Variants in KDM5C observed in about 807,000 individuals in gnomAD.
KDM5C encodes the protein lysine-specific demethylase 5C.
In KDM5C, 16 loss-of-function variants were observed where a neutral mutation model predicts 110.6. That is an observed-to-expected ratio of 0.14 (90% CI 0.10 to 0.22). The LOEUF is 0.22. Ranked by LOEUF, KDM5C falls within the 10% of genes least tolerant of loss-of-function variation. The probability of loss-of-function intolerance (pLI) is 1.00; values close to 1 mark genes in which losing one functional copy is unlikely to be tolerated. For missense variants in KDM5C, 681 were observed against 1,300.9 expected (o/e 0.52, Z 7.33); for synonymous variants, 511 against 520.4 (o/e 0.98, Z 0.24).
At chrX:53,181,988 CTG>C (rs1303657701) in intron 25 of KDM5C, among the ~76,000 whole-genome samples, 3 of 110,523 alleles carry the variant, frequency 2.7e-5, no homozygotes, top group Non-Finnish European at 5.7e-5. Context: ...CAGGGTTTCA[CTG>C]TGTTAGCCAG....
Position 53,193,515 on chromosome X carries a change from C to T in KDM5C, c.4239G>A (p.Leu1413=), listed in dbSNP as rs782560635. 2.5e-6 allele frequency: 3 copies of T among 1,212,026 alleles called. No homozygotes were observed. The highest frequency in any genetic ancestry group is 5.9e-5 in the East Asian group (2 of 33,823). The change falls in exon 25 of 26, where the codon CTG becomes CTA. Residue 1413 remains leucine, a synonymous_variant. Coordinates refer to ENST00000375401, the MANE Select transcript of KDM5C (RefSeq NM_004187.5). ...GCTGCCATATGCTGTGGTTCTCATCCAGGGTCACCTCGAGCAGGTCCCCCT... is the reference window on the plus strand; with the variant it reads ...GCTGCCATATGCTGTGGTTCTCATCTAGGGTCACCTCGAGCAGGTCCCCCT... ...MMEGDLLEVT[L]DENHSIWQLL...
Position 53,220,745 on chromosome X carries a change from T to G in KDM5C, c.228+94A>C, listed in dbSNP as rs1357907705. 6 of 726,044 alleles carry G rather than the reference T, an allele frequency of 8.3e-6. No individual in the cohort carries two copies. In the African/African-American group the frequency reaches 1.3e-4, roughly 15 times the overall value. 59.8% of individuals were successfully genotyped at this position (726,044 alleles called of 1,213,427 possible). A position where few individuals can be genotyped will look rare whatever the true frequency, so the allele number is the denominator to read the frequency against. On this transcript the variant is annotated intron_variant, in intron 2 of 25. Coordinates refer to ENST00000375401, the MANE Select transcript of KDM5C (RefSeq NM_004187.5). ...AAGAGAGAATAAAGGCCTAGCTAGG[T>G]AAAGTACCTCAGCCAGAGAAACTAT...
chrX:53,182,626 C>G (rs1019683194), intron 25 of KDM5C, among the ~76,000 whole-genome samples: 1 of 112,969 alleles, frequency 8.9e-6, no homozygotes, highest in African/African-American at 3.2e-5. Context: ...CTCGGCCTCT[C>G]AGAGTGCTGG....
At chrX:53,200,855 A>G (rs2146860169) in intron 14 of KDM5C, among the ~76,000 whole-genome samples, 1 of 112,199 alleles carries the variant, frequency 8.9e-6, no homozygotes, top group Non-Finnish European at 1.9e-5. Context: ...TCAGCTACAC[A>G]CACAACTGAC....
chrX:53,221,074 C>A (rs1286781871), intron 1 of KDM5C, among the ~76,000 whole-genome samples, 158 bp from the exon 2 acceptor site: 1 of 97,059 alleles, frequency 1.0e-5, no homozygotes, highest in Admixed American at 1.1e-4. Flanking sequence ...CACCCACCCC[C>A]ACCTCCCCCC....
At chrX:53,220,307 G>GA (rs782387349) in intron 2 of KDM5C, among the ~76,000 whole-genome samples, 1 of 111,714 alleles carries the variant, frequency 9.0e-6, no homozygotes, top group African/African-American at 3.3e-5. Flanking sequence ...AAGGGAGAAG[G>GA]AAAATCCTAC....
chrX:53,180,280 G>A (rs1933997646), intron 25 of KDM5C, among the ~76,000 whole-genome samples: 1 of 111,690 alleles, frequency 9.0e-6, no homozygotes, highest in Non-Finnish European at 1.9e-5. Flanking sequence ...TTATGGGAGG[G>A]AAGTATGAAT....
intron 25 of KDM5C, among the ~76,000 whole-genome samples, chrX:53,185,336 T>C (rs1390806807): frequency 8.9e-6 from 1 of 112,242 alleles, no homozygotes; most frequent in South Asian, 3.7e-4. Context: ...AATACAATGA[T>C]GACCATGTTT....
downstream of KDM5C, among the ~76,000 whole-genome samples, chrX:53,189,949 G>A (rs1247188928): frequency 8.9e-6 from 1 of 112,869 alleles, no homozygotes; most frequent in African/African-American, 3.2e-5. Context: ...GTCCTTAATA[G>A]AAGTGATGTC....
intron 25 of KDM5C, among the ~76,000 whole-genome samples, chrX:53,183,199 G>A (rs1266897745): frequency 9.5e-6 from 1 of 105,203 alleles, no homozygotes; most frequent in Non-Finnish European, 2.0e-5. Flanking sequence ...GCTGAGGTGG[G>A]AGGACTGCTC....
At chrX:53,221,345 T>C (rs1488140958) in intron 1 of KDM5C, among the ~76,000 whole-genome samples, 1 of 111,713 alleles carries the variant, frequency 9.0e-6, no homozygotes, top group East Asian at 2.8e-4. Context: ...TATGGGTTCA[T>C]GTTCTAGATC....
At position 53,198,754 on chromosome X, in the gene KDM5C, CAT is replaced by C. The variant is rs2073051343; in HGVS notation, c.2368+8_2368+9del. 2 of 1,210,636 alleles carry C rather than the reference CAT, an allele frequency of 1.7e-6. No homozygotes were observed. The highest frequency in any genetic ancestry group is 3.5e-5 in the African/African-American group (2 of 57,307). ...GCCTGTGGAGTCCCTCCATCCCCCC[CAT>C]CACTCACTGCGCTTCCGCCCATCCT... On this transcript the variant is annotated splice_region_variant and intron_variant, in intron 16 of 25. Transcript: ENST00000375401.
chrX:53,214,425 A>C (rs782436251), intron 8 of KDM5C: 79 of 358,183 alleles, frequency 2.2e-4, no homozygotes, highest in Non-Finnish European at 3.2e-4. Flanking sequence ...AGAGTTTCTA[A>C]CACACAATTT....
rs2146826835 is a variant in KDM5C at position 53,195,060 on chromosome X, G to A, written c.3309C>T (p.Cys1103=). The A allele has an allele frequency of 8.3e-7, 1 of 1,208,983 alleles. No individual in the cohort carries two copies. The highest frequency in any genetic ancestry group is 1.1e-6 in the Non-Finnish European group (1 of 894,167). The change falls in exon 22 of 26, where the codon TGC becomes TGT. Residue 1103 remains cysteine, a synonymous_variant. Transcript: ENST00000375401. ...NSCYTLLEVL[C]PCADAGSDST... ...TGTCTGAGCCGGCATCTGCACATGGGCAGAGAACCTGGGGCAGGCAGACAA... is the reference window on the plus strand; with the variant it reads ...TGTCTGAGCCGGCATCTGCACATGGACAGAGAACCTGGGGCAGGCAGACAA...
rs192663100 is a variant in KDM5C at position 53,180,141 on chromosome X, C to A, written c.4309-3519G>T. On this transcript the variant is annotated intron_variant, in intron 25 of 25. Coordinates refer to the KDM5C transcript ENST00000685641. ...AAGCCACCAAGAGACATGGAAGAAT[C>A]TTAAATGCATATTAATAAGTGAAAG... Among the ~76,000 whole-genome samples the A allele has an allele frequency of 4.9e-3, 543 of 110,756 alleles. 4 individuals are homozygous for A. Among genetic ancestry groups the A allele is most frequent in the Non-Finnish European group, 6.8e-3 (358 of 52,913 alleles).
chrX:53,205,218 T>A (rs782029679), intron 12 of KDM5C, among the ~76,000 whole-genome samples: 6 of 112,065 alleles, frequency 5.4e-5, no homozygotes, highest in Non-Finnish European at 9.4e-5. Flanking sequence ...AAATACATTC[T>A]ACTCTCTGGA....
In KDM5C at chrX:53,217,131, G is replaced by A. The variant is rs1556852312; in HGVS notation, c.657+12C>T. 3.3e-6 allele frequency: 4 copies of A among 1,202,436 alleles called. No individual in the cohort carries two copies. In the South Asian group the frequency reaches 5.4e-5, roughly 16 times the overall value. On this transcript the variant is annotated intron_variant, in intron 5 of 25. Coordinates refer to ENST00000375401, the MANE Select transcript of KDM5C (RefSeq NM_004187.5). ...CCTCAAAGCTCTAAGTTCGAAGAAGGGGAGTACTCACATCAGGCTGCAGTC... is the reference window on the plus strand; with the variant it reads ...CCTCAAAGCTCTAAGTTCGAAGAAGAGGAGTACTCACATCAGGCTGCAGTC...
intron 20 of KDM5C, 121 bp downstream of exon 20, chrX:53,195,795 C>T: frequency 2.7e-6 from 2 of 754,209 alleles, no homozygotes; most frequent in Non-Finnish European, 3.9e-6. Context: ...GACTACATGC[C>T]ATGCCCCCTT....
At chrX:53,203,822 C>T (rs781973164) in intron 12 of KDM5C, among the ~76,000 whole-genome samples, 1 of 108,779 alleles carries the variant, frequency 9.2e-6, no homozygotes, top group East Asian at 2.9e-4. Context: ...GCTACAGTGC[C>T]GTGGTGCAAT....
Sources: gnomAD v4.1 joint callset for allele counts (sites outside exome capture counted in the v4.1 genomes callset) on GRCh38, gnomAD v4.1.1 for gene constraint, MANE v1.5 for transcripts, NCBI Gene and HGNC (gene_info 2026-07-23, HGNC 2026-07-21) for gene names.